The following GLB1 variants were observed in gnomAD, a reference collection of about 807,000 sequenced individuals.
GLB1 encodes the protein beta-galactosidase.
In GLB1, 56 loss-of-function variants were observed where a neutral mutation model predicts 74.0. The observed-to-expected ratio is 0.76, with a 90% CI of 0.61 to 0.94. The LOEUF is 0.94. GLB1 is among the 40% of genes least tolerant of loss of function. The pLI, the probability that GLB1 is intolerant of heterozygous loss-of-function variation, is 0.00. For missense variants in GLB1, 787 were observed against 845.5 expected, an observed-to-expected ratio of 0.93 and a Z score of 0.86; for synonymous variants, 323 against 323.6, an observed-to-expected ratio of 1.00 and a Z score of 0.02.
At chr3:33,051,233 CAAAAA>C (rs35399363) in intron 9 of GLB1, among the ~76,000 whole-genome samples, 20 of 76,412 alleles carry the variant, frequency 2.6e-4, no homozygotes, top group Admixed American at 6.0e-4. Flanking sequence ...GACTGCGTCT[CAAAAA>C]AAAAAAAAAA....
chr3:33,034,446 A>G (rs1698185556), intron 10 of GLB1: 1 of 732,598 alleles, frequency 1.4e-6, no homozygotes, highest in African/African-American at 1.7e-5. Flanking sequence ...AAGGATGGCC[A>G]GTGGAAGGAG....
intron 1 of GLB1, chr3:33,077,295 A>G (rs1244556707): frequency 6.4e-7 from 1 of 1,573,710 alleles, no homozygotes; most frequent in Non-Finnish European, 8.6e-7. Context: ...TCTGTGGTGC[A>G]GTTTAGGATT....
chr3:33,055,125 C>T (rs1699159288), intron 6 of GLB1, among the ~76,000 whole-genome samples: 1 of 152,238 alleles, frequency 6.6e-6, no homozygotes, highest in Non-Finnish European at 1.5e-5. Flanking sequence ...TCATGAGACC[C>T]ATCGGGCAAT....
At chr3:33,081,168 A>AGGGCATCC (rs1027797664) in intron 1 of GLB1, among the ~76,000 whole-genome samples, 1 of 152,210 alleles carries the variant, frequency 6.6e-6, no homozygotes, top group African/African-American at 2.4e-5. Flanking sequence ...CCATCCACTC[A>AGGGCATCC]GGGCATCCTA....
rs1699627419 is a variant in GLB1 at position 33,065,362 on chromosome 3, C to A, written c.552+101G>T. On this transcript the variant is annotated intron_variant, in intron 5 of 15. Coordinates refer to ENST00000307363, the MANE Select transcript of GLB1 (RefSeq NM_000404.4). Reference sequence around the variant, plus strand: ...TCTGTGGCATTACCTCTTAAAGAAACAGACCTATGAGGCTCATGTCTGCAT... The same window carrying A: ...TCTGTGGCATTACCTCTTAAAGAAAAAGACCTATGAGGCTCATGTCTGCAT... 6 of 1,458,616 alleles carry A rather than the reference C, an allele frequency of 4.1e-6. No homozygotes were observed. The Admixed American group carries it at 1.2e-4, about 29-fold the overall frequency. 90.4% of individuals were successfully genotyped at this position (1,458,616 alleles called of 1,614,324 possible). A position where few individuals can be genotyped will look rare whatever the true frequency, so the allele number is the denominator to read the frequency against.
chr3:33,080,739 TC>T (rs1383743170), intron 1 of GLB1, among the ~76,000 whole-genome samples: 1 of 152,220 alleles, frequency 6.6e-6, no homozygotes, highest in Non-Finnish European at 1.5e-5. Context: ...GGCTGTCCCT[TC>T]TTTCCACCTG....
the GLB1 span, among the ~76,000 whole-genome samples, chr3:32,985,095 ACT>A: frequency 7.5e-6 from 1 of 133,676 alleles, no homozygotes; most frequent in Non-Finnish European, 1.6e-5. Context: ...ACGGAGTGAA[ACT>A]CTGTCTCAAA....
intron 15 of GLB1, among the ~76,000 whole-genome samples, chr3:32,998,310 C>A (rs990102209): frequency 3.3e-5 from 5 of 152,140 alleles, no homozygotes; most frequent in African/African-American, 4.8e-5. Flanking sequence ...GAGTTCGAGA[C>A]CAGCCTGGCC....
At chr3:33,004,761 T>G (rs1486472151) in intron 15 of GLB1, among the ~76,000 whole-genome samples, 1 of 152,206 alleles carries the variant, frequency 6.6e-6, no homozygotes, top group Admixed American at 6.5e-5. Context: ...CCAGCTCTGT[T>G]CCTTCTCTCT....
chr3:33,031,018 A>G (rs1697980874), intron 10 of GLB1, among the ~76,000 whole-genome samples: 3 of 152,176 alleles, frequency 2.0e-5, no homozygotes, highest in Non-Finnish European at 4.4e-5. Context: ...TTTAAAATGC[A>G]AATGTCATGA....
chr3:33,015,533 C>G (rs1263683335), intron 14 of GLB1, among the ~76,000 whole-genome samples: 1 of 152,126 alleles, frequency 6.6e-6, no homozygotes, highest in Non-Finnish European at 1.5e-5. Flanking sequence ...TCCCAGATAC[C>G]AAGTCTCGAT....
chr3:33,079,785 T>C (rs1700259465), intron 1 of GLB1, among the ~76,000 whole-genome samples: 1 of 152,062 alleles, frequency 6.6e-6, no homozygotes, highest in Non-Finnish European at 1.5e-5. Context: ...AGGAGAGAGT[T>C]TTTTGTTTTT....
At chr3:33,032,981 C>CT (rs1347988806) in intron 10 of GLB1, among the ~76,000 whole-genome samples, 1 of 152,156 alleles carries the variant, frequency 6.6e-6, no homozygotes, top group Non-Finnish European at 1.5e-5. Context: ...TTACAGGTTG[C>CT]TATAGGCATT....
At chr3:33,033,743 T>C (rs182263857) in intron 10 of GLB1, 76 of 264,050 alleles carry the variant, frequency 2.9e-4, no homozygotes, top group African/African-American at 1.8e-3. Flanking sequence ...ATCGTGCCAC[T>C]GCACTCCAGC....
chr3:33,024,876 T>C (rs1251065008), intron 10 of GLB1, among the ~76,000 whole-genome samples: 1 of 151,838 alleles, frequency 6.6e-6, no homozygotes, highest in African/African-American at 2.4e-5. Context: ...AACAAGTCTA[T>C]GCACGAGTGA....
At chr3:33,052,142 C>T (rs1699020973) in intron 7 of GLB1, 138 bp from the exon 8 acceptor site, 2 of 1,448,004 alleles carry the variant, frequency 1.4e-6, no homozygotes, top group African/African-American at 1.4e-5. Flanking sequence ...AGAGACGCCC[C>T]CCAGTGAGCA....
At chr3:32,969,905 T>C in the GLB1 span, among the ~76,000 whole-genome samples, 2 of 152,108 alleles carry the variant, frequency 1.3e-5, no homozygotes. Flanking sequence ...CCCCCGGGAG[T>C]TCAGGAAACA....
chr3:33,048,457 G>A (rs1347829134), intron 9 of GLB1, among the ~76,000 whole-genome samples: 3 of 152,284 alleles, frequency 2.0e-5, no homozygotes, highest in East Asian at 1.9e-4. Context: ...GTACAGGAGC[G>A]CCTGGACCCT....
At chr3:33,057,692 T>G (rs1699273891) in intron 6 of GLB1, among the ~76,000 whole-genome samples, 1 of 152,332 alleles carries the variant, frequency 6.6e-6, no homozygotes, top group Non-Finnish European at 1.5e-5. Flanking sequence ...CCGAGTGTCC[T>G]GCCAAGGTGG....
Sources: allele counts gnomAD v4.1 joint callset (sites outside exome capture counted in the v4.1 genomes callset), GRCh38; gene constraint gnomAD v4.1.1; transcripts MANE v1.5; gene names NCBI Gene and HGNC (gene_info 2026-07-23, HGNC 2026-07-21).